CD36: variants seen among roughly 807,000 people sequenced by gnomAD.
The protein encoded by CD36 is CD36 molecule (CD36 blood group).
Under a neutral mutation model 55.2 loss-of-function variants are expected in CD36, and 119 were observed. The observed-to-expected ratio is 2.15, with a 90% CI of 1.86 to 2.51. The LOEUF is 2.51. CD36 is among the 30% of genes most tolerant of loss of function. The probability of loss-of-function intolerance (pLI) is 0.00; values close to 1 mark genes in which losing one functional copy is unlikely to be tolerated. For synonymous variants in CD36, 186 were observed against 193.6 expected, an observed-to-expected ratio of 0.96 and a Z score of 0.33; for missense variants, 819 against 555.5, an observed-to-expected ratio of 1.47 and a Z score of -4.77.
chr7:80,626,860 T>C (rs1793772508), intron 1 of CD36, among the ~76,000 whole-genome samples: 1 of 152,132 alleles, frequency 6.6e-6, no homozygotes, highest in South Asian at 2.1e-4. Context: ...TTTTAGGTTC[T>C]GTTGTTTTAC....
In CD36 at chr7:80,646,820, T is replaced by C; in HGVS notation, c.80T>C (p.Met27Thr). 1 of 1,614,060 alleles carries C rather than the reference T, an allele frequency of 6.2e-7. No homozygotes were observed. Among genetic ancestry groups the C allele is most frequent in the Non-Finnish European group, 8.5e-7 (1 of 1,179,930 alleles). ...AVLAVFGGIL[M>T]PVGDLLIQKT... ...CTGGCTGTGTTTGGAGGTATTCTAA[T>C]GCCAGTTGGAGACCTGCTTATCCAG... The change falls in exon 3 of 15, where the codon ATG becomes ACG. Residue 27 changes from methionine (M) to threonine (T), a missense_variant. Physicochemically the swap from Met to Thr is moderately conservative, Grantham distance 81. Transcript: ENST00000447544.
intron 8 of CD36, among the ~76,000 whole-genome samples, chr7:80,668,186 C>T (rs906769792): frequency 7.9e-5 from 12 of 152,024 alleles, no homozygotes; most frequent in African/African-American, 4.8e-5. Context: ...TCCTTAGATG[C>T]AGAGATAAAT....
intron 1 of CD36, among the ~76,000 whole-genome samples, chr7:80,611,512 T>C (rs765364178): frequency 6.6e-6 from 1 of 152,170 alleles, no homozygotes; most frequent in African/African-American, 2.4e-5. Flanking sequence ...AGATGCTTTA[T>C]TACTGCCAAT....
intron 13 of CD36, 133 bp from the exon 14 acceptor site, chr7:80,673,850 C>T (rs1368436108): frequency 1.5e-5 from 11 of 719,242 alleles, no homozygotes; most frequent in Admixed American, 8.4e-5. Context: ...AAAAGGAATT[C>T]CATTAACTTG....
intron 1 of CD36, chr7:80,633,105 A>G (rs1417429136): frequency 6.6e-6 from 1 of 151,936 alleles, no homozygotes; most frequent in East Asian, 1.9e-4. Context: ...TATCTACTCT[A>G]TGAACACAGT....
intron 1 of CD36, among the ~76,000 whole-genome samples, chr7:80,603,267 ATGCTATTC>A (rs1210890189): frequency 1.3e-5 from 2 of 152,160 alleles, no homozygotes; most frequent in Non-Finnish European, 2.9e-5. Flanking sequence ...CTGTTTCTCC[ATGCTATTC>A]TGCTATTCTA....
In CD36 at chr7:80,642,105, C is replaced by T. The variant is rs555621838; in HGVS notation, c.-184+3359C>T. Among the ~76,000 whole-genome samples the T allele has an allele frequency of 1.3e-3, 193 of 152,134 alleles. 3 individuals are homozygous for T. The highest frequency in any genetic ancestry group is 3.3e-3 in the South Asian group (16 of 4,820). ...ATCAAGAAAGGCATGTAATTAGTTGCCTATTAAAACACGTCTTCTTATTTT... is the reference window on the plus strand; with the variant it reads ...ATCAAGAAAGGCATGTAATTAGTTGTCTATTAAAACACGTCTTCTTATTTT... On this transcript the variant is annotated intron_variant, in intron 1 of 14. Transcript: ENST00000447544.
intron 2 of CD36, chr7:80,646,389 T>C: frequency 3.2e-6 from 1 of 316,554 alleles, no homozygotes; most frequent in African/African-American, 2.2e-5. Context: ...AAGATTTCAA[T>C]ATGTTAATCA....
intron 1 of CD36, chr7:80,639,863 C>G (rs1042079449): frequency 6.6e-6 from 1 of 151,924 alleles, no homozygotes; most frequent in African/African-American, 2.4e-5. Context: ...TGAACCAGAA[C>G]AATAAACCAA....
Position 80,671,884 on chromosome 7 carries a change from G to A in CD36, c.1007-38G>A, listed in dbSNP as rs766150580. ...TTGAGTTATATGTGAAATGAAGGAA[G>A]TTATTAATTCCAATTGACTCTTAAA... On this transcript the variant is annotated intron_variant, in intron 10 of 14. Coordinates refer to ENST00000447544, the MANE Select transcript of CD36 (RefSeq NM_001001548.3). 8.2e-6 allele frequency: 13 copies of A among 1,585,674 alleles called. No homozygotes were observed. In the South Asian group the frequency reaches 1.4e-4, roughly 18 times the overall value.
chr7:80,675,747 CAAGT>C (rs773923981), intron 14 of CD36, among the ~76,000 whole-genome samples: 28 of 152,030 alleles, frequency 1.8e-4, no homozygotes, highest in Non-Finnish European at 2.9e-4. Context: ...ACAATAGGAA[CAAGT>C]AAGAAGACAG....
chr7:80,652,968 A>C (rs978639136), intron 3 of CD36, among the ~76,000 whole-genome samples: 1 of 152,184 alleles, frequency 6.6e-6, no homozygotes, highest in Non-Finnish European at 1.5e-5. Flanking sequence ...TTTGATTTTC[A>C]AAAATACTAA....
rs1488037858 is a variant in CD36, at chr7:80,656,452, TCTGG to T, written c.121-84_121-81del. 1.1e-5 allele frequency: 13 copies of T among 1,215,470 alleles called. No homozygotes were observed. In the African/African-American group the frequency reaches 1.5e-4, roughly 14 times the overall value. The allele number at this position is 1,215,470 out of a possible 1,614,324, so 75.3% of individuals were successfully genotyped here. On this transcript the variant is annotated intron_variant, in intron 3 of 14. Transcript: ENST00000447544. Reference sequence around the variant, plus strand: ...AGGTACTTGGGCTTGGTCCTTTTATTCTGGCTGACTCAAGGCTGCAAACAATCTT... The same window carrying T: ...AGGTACTTGGGCTTGGTCCTTTTATTCTGACTCAAGGCTGCAAACAATCTT...
At chr7:80,674,383 T>G in intron 14 of CD36, 1 of 451,108 alleles carries the variant, frequency 2.2e-6, no homozygotes, top group South Asian at 2.4e-5. Context: ...ATTGTAACAA[T>G]AGCACAAATA....
intron 1 of CD36, among the ~76,000 whole-genome samples, chr7:80,631,611 C>G (rs1794076504): frequency 6.6e-6 from 1 of 151,082 alleles, no homozygotes; most frequent in Non-Finnish European, 1.5e-5. Flanking sequence ...ACATACAGGA[C>G]AGTTGAAGGG....
intron 1 of CD36, among the ~76,000 whole-genome samples, chr7:80,611,638 T>C (rs1261006239): frequency 1.3e-5 from 2 of 152,096 alleles, no homozygotes; most frequent in Admixed American, 6.5e-5. Context: ...GGTAAGAAGA[T>C]GTTAGGAAAA....
chr7:80,643,118 G>A (rs1794926987), intron 1 of CD36, among the ~76,000 whole-genome samples: 1 of 152,076 alleles, frequency 6.6e-6, no homozygotes, highest in African/African-American at 2.4e-5. Context: ...CTACTCCCTG[G>A]TTTCTTCAGT....
chr7:80,670,726 A>G (rs1470811005), intron 9 of CD36: 4 of 493,024 alleles, frequency 8.1e-6, no homozygotes, highest in African/African-American at 5.8e-5. Context: ...TATTTACTCT[A>G]TTGGATAAAT....
chr7:80,664,119 ATAGT>A (rs1478643032), intron 6 of CD36, among the ~76,000 whole-genome samples: 1 of 152,118 alleles, frequency 6.6e-6, no homozygotes, highest in Non-Finnish European at 1.5e-5. Flanking sequence ...TCACCTCAAC[ATAGT>A]AAGAATAGTG....
Sources: allele counts gnomAD v4.1 joint callset (sites outside exome capture counted in the v4.1 genomes callset), GRCh38; gene constraint gnomAD v4.1.1; transcripts MANE v1.5; gene names NCBI Gene and HGNC (gene_info 2026-07-23, HGNC 2026-07-21).